NEGR1: variants seen among roughly 807,000 people sequenced by gnomAD.
The protein encoded by NEGR1 is IgLON family member 4.
NEGR1 carries 10 observed loss-of-function variants against 40.9 expected under a neutral mutation model. That is an observed-to-expected ratio of 0.24 (90% CI 0.15 to 0.42). NEGR1 has a LOEUF of 0.42. NEGR1 is among the 10% of genes least tolerant of loss of function. NEGR1 has a pLI of 1.00. For missense variants in NEGR1, 352 were observed against 438.9 expected, an observed-to-expected ratio of 0.80 and a Z score of 1.77; for synonymous variants, 185 against 166.8, an observed-to-expected ratio of 1.11 and a Z score of -0.84.
intron 1 of NEGR1, among the ~76,000 whole-genome samples, chr1:72,225,242 A>T (rs969584724): frequency 6.6e-6 from 1 of 152,006 alleles, no homozygotes; most frequent in Admixed American, 6.6e-5. Flanking sequence ...ATTTTATTTG[A>T]ATACAAGTCC....
intron 1 of NEGR1, among the ~76,000 whole-genome samples, chr1:72,047,709 C>A (rs1647015191): frequency 6.6e-6 from 1 of 151,070 alleles, no homozygotes; most frequent in Non-Finnish European, 1.5e-5. Context: ...CGCACTGAAG[C>A]CATGAAAAAT....
intron 1 of NEGR1, among the ~76,000 whole-genome samples, chr1:72,114,957 G>A (rs975821314): frequency 6.6e-6 from 1 of 151,698 alleles, no homozygotes; most frequent in Admixed American, 6.6e-5. Flanking sequence ...ACAAGACACC[G>A]TGTTATATTT....
chr1:71,838,348 G>A (rs995066991), intron 2 of NEGR1, among the ~76,000 whole-genome samples: 4 of 152,048 alleles, frequency 2.6e-5, no homozygotes, highest in Admixed American at 1.3e-4. Flanking sequence ...TAATTTGGGA[G>A]CTATATATAC....
At chr1:71,634,037 T>C (rs1651061817) in intron 4 of NEGR1, among the ~76,000 whole-genome samples, 1 of 152,058 alleles carries the variant, frequency 6.6e-6, no homozygotes. Context: ...TCCATTGTTT[T>C]TTGGACTTGG....
chr1:72,036,492 C>T (rs1646903982), intron 1 of NEGR1, among the ~76,000 whole-genome samples: 1 of 151,766 alleles, frequency 6.6e-6, no homozygotes, highest in Non-Finnish European at 1.5e-5. Context: ...CCTGTCTCTA[C>T]TAAAAATACA....
chr1:71,776,469 T>A (rs868746545), intron 2 of NEGR1, among the ~76,000 whole-genome samples, 172 bp from the exon 3 acceptor site: 1 of 151,982 alleles, frequency 6.6e-6, no homozygotes, highest in Admixed American at 6.6e-5. Context: ...TTTCTAGGAG[T>A]TTTTTATTAG....
chr1:71,749,988 C>CTTTTTTTTTTTTT (rs768011020), intron 3 of NEGR1, among the ~76,000 whole-genome samples: 1,399 of 136,268 alleles, frequency 0.01, 43 homozygotes, highest in East Asian at 0.051. Context: ...TTGCTCCTTT[C>CTTTTTTTTTTTTT]TTTTTTTTTT....
intron 3 of NEGR1, among the ~76,000 whole-genome samples, chr1:71,724,902 C>G (rs768130205): frequency 1.2e-4 from 18 of 152,146 alleles, no homozygotes; most frequent in Non-Finnish European, 2.5e-4. Flanking sequence ...TATCTCCTTT[C>G]TTCAGTGAGT....
intron 6 of NEGR1, among the ~76,000 whole-genome samples, chr1:71,537,154 C>A (rs377479226): frequency 2.3e-4 from 35 of 151,618 alleles, no homozygotes; most frequent in African/African-American, 8.2e-4. Context: ...TAATTCATTT[C>A]CTCCCCTCAA....
chr1:71,691,078 T>C (rs1653262406), intron 4 of NEGR1, among the ~76,000 whole-genome samples: 1 of 151,918 alleles, frequency 6.6e-6, no homozygotes, highest in Non-Finnish European at 1.5e-5. Flanking sequence ...GATAAGTGCA[T>C]GGGAGAATAC....
intron 1 of NEGR1, among the ~76,000 whole-genome samples, chr1:72,080,802 C>T (rs1647964886): frequency 6.6e-6 from 1 of 151,966 alleles, no homozygotes; most frequent in Non-Finnish European, 1.5e-5. Flanking sequence ...GAGACTTTTA[C>T]AGAAAAAAGC....
chr1:71,805,409 T>C (rs1024382670), intron 2 of NEGR1, among the ~76,000 whole-genome samples: 1 of 152,198 alleles, frequency 6.6e-6, no homozygotes, highest in African/African-American at 2.4e-5. Context: ...CGACATGTGA[T>C]GTCTCCCCCG....
intron 4 of NEGR1, among the ~76,000 whole-genome samples, chr1:71,619,992 A>T (rs1243378455): frequency 6.6e-6 from 1 of 152,042 alleles, no homozygotes; most frequent in Non-Finnish European, 1.5e-5. Flanking sequence ...ATTATTAAAA[A>T]CGAGTAAATC....
At chr1:71,461,418 C>T (rs980937683) in intron 6 of NEGR1, 13 of 152,162 alleles carry the variant, frequency 8.5e-5, no homozygotes, top group African/African-American at 3.1e-4. Context: ...GAAGGTCTTA[C>T]TTTCATTTTC....
intron 1 of NEGR1, among the ~76,000 whole-genome samples, chr1:72,226,011 A>T (rs1654179955): frequency 6.6e-6 from 1 of 151,868 alleles, no homozygotes; most frequent in Non-Finnish European, 1.5e-5. Flanking sequence ...ACTTCAGAAG[A>T]TGAAGTTCAG....
intron 6 of NEGR1, among the ~76,000 whole-genome samples, chr1:71,545,680 T>C (rs968604128): frequency 2.6e-5 from 4 of 151,618 alleles, no homozygotes; most frequent in South Asian, 2.1e-4. Context: ...CTATTTTCTA[T>C]GGATCTGATA....
At chr1:71,553,130 C>A (rs1486463649) in intron 6 of NEGR1, among the ~76,000 whole-genome samples, 2 of 151,294 alleles carry the variant, frequency 1.3e-5, no homozygotes, top group African/African-American at 4.8e-5. Flanking sequence ...TATATACTTT[C>A]TAGAAATAAG....
intron 1 of NEGR1, among the ~76,000 whole-genome samples, chr1:72,012,074 A>G (rs1295423679): frequency 2.0e-5 from 3 of 152,164 alleles, no homozygotes; most frequent in Non-Finnish European, 4.4e-5. Context: ...AACTGTGGAC[A>G]GGTAGAACAA....
At chr1:71,596,436 A>G (rs537873342) in intron 5 of NEGR1, among the ~76,000 whole-genome samples, 52 of 152,214 alleles carry the variant, frequency 3.4e-4, no homozygotes, top group Non-Finnish European at 6.0e-4. Flanking sequence ...TATATTTTCT[A>G]GTGTCAGTCA....
Sources: gnomAD v4.1 joint callset for allele counts (sites outside exome capture counted in the v4.1 genomes callset) on GRCh38, gnomAD v4.1.1 for gene constraint, MANE v1.5 for transcripts, NCBI Gene and HGNC (gene_info 2026-07-23, HGNC 2026-07-21) for gene names.